Variants in ARPC4 observed in about 807,000 individuals in gnomAD.
ARPC4 encodes actin related protein 2/3 complex subunit 4.
A neutral mutation model predicts 22.8 loss-of-function variants in ARPC4; 3 were observed. That is an observed-to-expected ratio of 0.13 (90% CI 0.06 to 0.34). The LOEUF (loss-of-function observed/expected upper bound fraction) is 0.34, where lower values mean the gene tolerates loss of function less well. Ranked by LOEUF, ARPC4 falls within the 10% of genes least tolerant of loss-of-function variation. The pLI, the probability that ARPC4 is intolerant of heterozygous loss-of-function variation, is 1.00. For missense variants in ARPC4, 98 were observed against 211.0 expected, an observed-to-expected ratio of 0.46 and a Z score of 3.32; for synonymous variants, 80 against 72.5, an observed-to-expected ratio of 1.10 and a Z score of -0.52.
chr3:9,793,157 C>G, intron 1 of ARPC4, 33 bp downstream of exon 1: 2 of 1,536,216 alleles, frequency 1.3e-6, no homozygotes, highest in South Asian at 1.2e-5. Context: ...CAGGGACCCC[C>G]GGCTGTTCGG....
chr3:9,793,179 T>A (rs1223416848), intron 1 of ARPC4, 55 bp downstream of exon 1: 2 of 1,519,742 alleles, frequency 1.3e-6, no homozygotes, highest in South Asian at 1.2e-5. Flanking sequence ...CTCAGGGCAG[T>A]GGGTCGGTGG....
chr3:9,805,650 C>T (rs898985089), intron 5 of ARPC4, among the ~76,000 whole-genome samples: 2 of 152,264 alleles, frequency 1.3e-5, no homozygotes, highest in Non-Finnish European at 2.9e-5. Context: ...GTGGGCCATG[C>T]AGTGCTCATC....
chr3:9,801,609 T>C, intron 3 of ARPC4, 52 bp from the exon 4 acceptor site: 1 of 1,536,404 alleles, frequency 6.5e-7, no homozygotes, highest in Non-Finnish European at 8.8e-7. Context: ...ACAAGGTGTT[T>C]TTGGCCTTGG....
At chr3:9,796,811 G>A (rs540777898) in intron 1 of ARPC4, among the ~76,000 whole-genome samples, 2 of 151,322 alleles carry the variant, frequency 1.3e-5, no homozygotes, top group African/African-American at 2.4e-5. Flanking sequence ...TGTGGTGGTG[G>A]GCGCCTGTAG....
At chr3:9,803,657 G>T (rs1348143213) in intron 4 of ARPC4, 186 bp from the exon 5 acceptor site, 1 of 769,758 alleles carries the variant, frequency 1.3e-6, no homozygotes, top group East Asian at 2.5e-5. Flanking sequence ...CAGTTGCTTG[G>T]ATCCAACCTA....
intron 2 of ARPC4, 108 bp from the exon 3 acceptor site, chr3:9,800,077 C>A (rs537940768): frequency 4.0e-5 from 44 of 1,101,286 alleles, no homozygotes; most frequent in Admixed American, 3.6e-4. Flanking sequence ...TGTGAGTCTT[C>A]TATTCCTTGG....
intron 5 of ARPC4, among the ~76,000 whole-genome samples, chr3:9,805,549 C>T (rs1042903233): frequency 2.6e-5 from 4 of 152,198 alleles, no homozygotes; most frequent in African/African-American, 9.6e-5. Flanking sequence ...CCACACAGCT[C>T]CAGGCCATTG....
At chr3:9,797,406 G>C (rs530041385) in intron 1 of ARPC4, among the ~76,000 whole-genome samples, 4 of 152,234 alleles carry the variant, frequency 2.6e-5, no homozygotes, top group East Asian at 1.9e-4. Context: ...TCTGACCCCA[G>C]GTTAAAAAAG....
chr3:9,799,993 G>A (rs1021518882), intron 2 of ARPC4, 192 bp from the exon 3 acceptor site: 5 of 683,440 alleles, frequency 7.3e-6, no homozygotes, highest in African/African-American at 7.1e-5. Context: ...AAACCTTTTC[G>A]CCCTGACTTC....
At chr3:9,798,813 G>A (rs1315439532) in intron 2 of ARPC4, among the ~76,000 whole-genome samples, 1 of 152,204 alleles carries the variant, frequency 6.6e-6, no homozygotes, top group African/African-American at 2.4e-5. Flanking sequence ...GGCGGAGGTT[G>A]CAGTGAGCCA....
intron 1 of ARPC4, 67 bp downstream of exon 1, chr3:9,793,191 A>G (rs2078791224): frequency 2.0e-6 from 3 of 1,507,816 alleles, no homozygotes; most frequent in Admixed American, 4.3e-5. Flanking sequence ...GGTCGGTGGG[A>G]GATGTGGCTT....
intron 1 of ARPC4, among the ~76,000 whole-genome samples, chr3:9,795,854 A>G (rs1160679898): frequency 1.3e-5 from 2 of 152,272 alleles, no homozygotes; most frequent in East Asian, 1.9e-4. Context: ...CCAGCACTTT[A>G]GGAGGCCGAG....
chr3:9,801,235 AAAG>A (rs2079004293), intron 3 of ARPC4, among the ~76,000 whole-genome samples: 2 of 148,398 alleles, frequency 1.3e-5, no homozygotes, highest in Admixed American at 6.7e-5. Flanking sequence ...AAAAAAAAAA[AAAG>A]AAATGTTGAG....
At position 9,804,231 on chromosome 3, in the gene ARPC4, T is replaced by G. The variant is rs541312119; in HGVS notation, c.501+218T>G. On this transcript the variant is annotated intron_variant, in intron 5 of 5. Transcript: ENST00000397261. ...AAGGCATTTTCTATATTTGGGTGTC[T>G]GGGGTGGCTCTTAGTCTCTCGTAGG... The G allele has an allele frequency of 1.1e-4, 56 of 487,720 alleles. No homozygotes were observed. In the South Asian group the frequency reaches 1.9e-3, roughly 16 times the overall value. The allele number at this position is 487,720 out of a possible 1,614,324, so 30.2% of individuals were successfully genotyped here. A position where few individuals can be genotyped will look rare whatever the true frequency, so the allele number is the denominator to read the frequency against.
At chr3:9,800,982 G>A (rs1197617012) in intron 3 of ARPC4, among the ~76,000 whole-genome samples, 4 of 151,866 alleles carry the variant, frequency 2.6e-5, no homozygotes, top group Non-Finnish European at 4.4e-5. Flanking sequence ...AGACCAAGGC[G>A]GGTGGATCAC....
rs878961981 is a variant in ARPC4 at position 9,806,458 on chromosome 3, T to G, written c.*243T>G. The G allele has an allele frequency of 5.3e-5, 31 of 587,842 alleles. No individual in the cohort carries two copies. Among genetic ancestry groups the G allele is most frequent in the African/African-American group, 4.9e-4 (26 of 53,230 alleles). The allele number at this position is 587,842 out of a possible 1,614,324, so 36.4% of individuals were successfully genotyped here. ...TTCAGTCCCCTGGGCCGGGACAGAT[T>G]TTTTTTAACGTCTTGAAACTTAAAC... On this transcript the variant is annotated 3_prime_UTR_variant, in exon 6 of 6. Transcript: ENST00000397261.
intron 1 of ARPC4, among the ~76,000 whole-genome samples, chr3:9,796,425 ATTTT>A (rs1206833199): frequency 6.6e-6 from 1 of 152,134 alleles, no homozygotes; most frequent in African/African-American, 2.4e-5. Context: ...CATGAAAGAC[ATTTT>A]TTTGTCAATT....
intron 1 of ARPC4, among the ~76,000 whole-genome samples, chr3:9,795,756 G>A (rs367883901): frequency 6.6e-6 from 1 of 152,184 alleles, no homozygotes; most frequent in Non-Finnish European, 1.5e-5. Context: ...GATATGGTCT[G>A]TTGACCATGA....
chr3:9,792,690 G>A, upstream of ARPC4: 20 of 1,233,508 alleles, frequency 1.6e-5, no homozygotes, highest in Non-Finnish European at 1.9e-5. Context: ...GCCCCGCCGA[G>A]CGCCAGGAGC....
Sources: gnomAD v4.1 joint callset for allele counts (sites outside exome capture counted in the v4.1 genomes callset) on GRCh38, gnomAD v4.1.1 for gene constraint, MANE v1.5 for transcripts, NCBI Gene and HGNC (gene_info 2026-07-23, HGNC 2026-07-21) for gene names.